Variants in SLCO1C1 observed in about 807,000 individuals in gnomAD.
The protein encoded by SLCO1C1 is OAT-RP-5.
In SLCO1C1, 70 loss-of-function variants were observed where a neutral mutation model predicts 76.4. That is an observed-to-expected ratio of 0.92 (90% CI 0.76 to 1.12). The LOEUF is 1.12. SLCO1C1 is among the 50% of genes most tolerant of loss of function. The probability of loss-of-function intolerance (pLI) is 0.00; values close to 1 mark genes in which losing one functional copy is unlikely to be tolerated. For missense variants in SLCO1C1, 912 were observed against 823.8 expected (o/e 1.11, Z -1.31); for synonymous variants, 306 against 286.1 (o/e 1.07, Z -0.70).
intron 5 of SLCO1C1, among the ~76,000 whole-genome samples, chr12:20,713,120 C>T (rs1399978914): frequency 6.7e-6 from 1 of 148,748 alleles, no homozygotes; most frequent in Admixed American, 6.7e-5. Flanking sequence ...CGCTCTGTCG[C>T]CCAGGCTGGA....
chr12:20,702,264 A>G (rs1946562439), intron 3 of SLCO1C1, among the ~76,000 whole-genome samples: 1 of 151,958 alleles, frequency 6.6e-6, no homozygotes, highest in Admixed American at 6.6e-5. Flanking sequence ...AGAAAAGTGA[A>G]TAAATATTTT....
At chr12:20,699,783 T>C in intron 2 of SLCO1C1, 78 bp downstream of exon 2, 1 of 1,398,838 alleles carries the variant, frequency 7.1e-7, no homozygotes, top group Non-Finnish European at 9.4e-7. Flanking sequence ...GAAGTTAGAA[T>C]GAGAATTGTT....
chr12:20,726,236 A>C (rs1001831154), intron 9 of SLCO1C1, among the ~76,000 whole-genome samples: 3 of 147,036 alleles, frequency 2.0e-5, no homozygotes, highest in African/African-American at 7.6e-5. Context: ...CTTCTATTCA[A>C]CCTCTCTTTT....
chr12:20,735,014 G>T (rs570345398), intron 10 of SLCO1C1, among the ~76,000 whole-genome samples: 7 of 152,174 alleles, frequency 4.6e-5, no homozygotes, highest in African/African-American at 1.7e-4. Context: ...GTTAAAACTC[G>T]TCTTATAATT....
Position 20,701,399 on chromosome 12 carries a change from G to T in SLCO1C1, c.211G>T (p.Glu71Ter). 6.4e-7 allele frequency: 1 copy of T among 1,556,152 alleles called. No homozygotes were observed. The highest frequency in any genetic ancestry group is 1.7e-5 in the Admixed American group (1 of 58,920). The change falls in exon 3 of 15, where the codon GAG (glutamate) becomes TAG (stop). Residue 71 changes from glutamate (E) to a stop codon, truncating the protein, a stop_gained. Coordinates refer to ENST00000266509, the MANE Select transcript of SLCO1C1 (RefSeq NM_017435.5). LOFTEE classifies it high-confidence loss of function. ...TCTGAAGAGCACCATCACTCAGATA[G>T]AGAGAAGGTTTGATATCCCTTCTTC... ...GYLKSTITQI[E>*]RRFDIPSSLV...
chr12:20,745,410 T>C (rs1186539311), intron 13 of SLCO1C1, among the ~76,000 whole-genome samples: 1 of 152,180 alleles, frequency 6.6e-6, no homozygotes. Flanking sequence ...TCATTATTAG[T>C]ACTAATATCA....
chr12:20,737,857 T>A (rs192818524), intron 11 of SLCO1C1, among the ~76,000 whole-genome samples: 1 of 152,230 alleles, frequency 6.6e-6, no homozygotes, highest in East Asian at 1.9e-4. Flanking sequence ...GGTAGGAATC[T>A]ATTTTAGTCA....
chr12:20,723,012 A>T, intron 8 of SLCO1C1, 78 bp from the exon 9 acceptor site: 1 of 1,309,370 alleles, frequency 7.6e-7, no homozygotes, highest in South Asian at 1.4e-5. Context: ...CCAGCCCTGT[A>T]AGTCCTGCCA....
intron 4 of SLCO1C1, among the ~76,000 whole-genome samples, chr12:20,710,569 C>T (rs1250206489): frequency 6.6e-6 from 1 of 152,010 alleles, no homozygotes; most frequent in Admixed American, 6.6e-5. Context: ...CACAGGCTGC[C>T]CACTAAGCAA....
At chr12:20,704,981 T>C (rs1946705456) in intron 3 of SLCO1C1, among the ~76,000 whole-genome samples, 1 of 152,002 alleles carries the variant, frequency 6.6e-6, no homozygotes, top group African/African-American at 2.4e-5. Context: ...CTTGAGTTAG[T>C]ATTACAAATG....
At chr12:20,740,027 T>G (rs1948726869) in intron 11 of SLCO1C1, among the ~76,000 whole-genome samples, 157 bp from the exon 12 acceptor site, 1 of 152,214 alleles carries the variant, frequency 6.6e-6, no homozygotes, top group Non-Finnish European at 1.5e-5. Context: ...TCTATATAGA[T>G]TTTGCTTTGC....
chr12:20,736,183 C>T lies in SLCO1C1; in HGVS notation c.1383-924C>T, dbSNP rs569202420. Among the ~76,000 whole-genome samples the T allele has an allele frequency of 2.2e-3, 327 of 150,954 alleles. 3 individuals carry two copies. Among genetic ancestry groups the T allele is most frequent in the Non-Finnish European group, 4.0e-3 (272 of 67,816 alleles). On this transcript the variant is annotated intron_variant, in intron 10 of 14. Coordinates refer to ENST00000266509, the MANE Select transcript of SLCO1C1 (RefSeq NM_017435.5). ...AAAGGATAAAAGCAGAAGGATTAGG[C>T]CATTCAGGTGACAGAAAAAAAAGTG...
intron 3 of SLCO1C1, 75 bp from the exon 4 acceptor site, chr12:20,705,874 A>G: frequency 1.4e-6 from 2 of 1,449,194 alleles, no homozygotes; most frequent in Non-Finnish European, 1.9e-6. Context: ...GGTCTGCTGT[A>G]TACATTCATT....
chr12:20,746,823 T>C (rs112371494), intron 13 of SLCO1C1, among the ~76,000 whole-genome samples: 4 of 150,022 alleles, frequency 2.7e-5, no homozygotes, highest in African/African-American at 2.4e-5. Flanking sequence ...CTTTTTTTTT[T>C]CAAAAACCAT....
chr12:20,701,658 CT>C (rs1489647658), intron 3 of SLCO1C1, among the ~76,000 whole-genome samples, 199 bp downstream of exon 3: 1 of 139,898 alleles, frequency 7.1e-6, no homozygotes, highest in African/African-American at 2.7e-5. Flanking sequence ...GTAAATTTTT[CT>C]CCCCAGGTGT....
At chr12:20,722,962 A>G (rs1565521184) in intron 8 of SLCO1C1, 128 bp from the exon 9 acceptor site, 1 of 761,032 alleles carries the variant, frequency 1.3e-6, no homozygotes. Context: ...GTATGTGTGT[A>G]CCACACTGTG....
At chr12:20,723,371 G>A in intron 9 of SLCO1C1, 117 bp downstream of exon 9, 3 of 1,245,300 alleles carry the variant, frequency 2.4e-6, no homozygotes, top group Non-Finnish European at 3.3e-6. Flanking sequence ...CATTTTAGAT[G>A]AGCTCAAAAA....
At chr12:20,713,180 C>CG (rs1194515703) in intron 5 of SLCO1C1, among the ~76,000 whole-genome samples, 1 of 150,676 alleles carries the variant, frequency 6.6e-6, no homozygotes, top group Non-Finnish European at 1.5e-5. Context: ...CCCGGGTTCA[C>CG]GCCATTCTCC....
intron 10 of SLCO1C1, among the ~76,000 whole-genome samples, chr12:20,734,977 T>C (rs547551376): frequency 2.0e-5 from 3 of 152,324 alleles, no homozygotes; most frequent in East Asian, 3.9e-4. Flanking sequence ...GGAAATCTCA[T>C]TTGGGCATAA....
Sources: allele counts gnomAD v4.1 joint callset (sites outside exome capture counted in the v4.1 genomes callset), GRCh38; gene constraint gnomAD v4.1.1; transcripts MANE v1.5; gene names NCBI Gene and HGNC (gene_info 2026-07-23, HGNC 2026-07-21).